The following SMC2 variants were observed in gnomAD, a reference collection of about 807,000 sequenced individuals.
SMC2 encodes the protein structural maintenance of chromosomes protein 2.
SMC2 carries 41 observed loss-of-function variants against 142.6 expected under a neutral mutation model. The observed-to-expected ratio is 0.29, with a 90% CI of 0.22 to 0.37. SMC2 has a LOEUF of 0.37. Ranked by LOEUF, SMC2 falls within the 10% of genes least tolerant of loss-of-function variation. SMC2 has a pLI of 1.00. For synonymous variants in SMC2, 463 were observed against 457.5 expected, an observed-to-expected ratio of 1.01 and a Z score of -0.15; for missense variants, 1,265 against 1,373.7, an observed-to-expected ratio of 0.92 and a Z score of 1.25.
Position 104,102,304 on chromosome 9 carries a change from A to G in SMC2, c.870+111A>G, listed in dbSNP as rs150094677. On this transcript the variant is annotated intron_variant, in intron 8 of 24. Transcript: ENST00000374793. ...CATTGTCTTCCGTATTGATTTGTTA[A>G]TCTTATAGTAAGATAATGAAATAAC... is the stretch of plus-strand genomic sequence containing the variant. The G allele has an allele frequency of 1.8e-5, 20 of 1,106,740 alleles. No homozygotes were observed. The African/African-American group carries it at 2.2e-4, about 12-fold the overall frequency. 68.6% of individuals were successfully genotyped at this position (1,106,740 alleles called of 1,614,324 possible). A position where few individuals can be genotyped will look rare whatever the true frequency, so the allele number is the denominator to read the frequency against.
intron 15 of SMC2, among the ~76,000 whole-genome samples, chr9:104,119,446 T>C (rs1833489793): frequency 6.6e-6 from 1 of 152,146 alleles, no homozygotes; most frequent in South Asian, 2.1e-4. Flanking sequence ...AGTTGCATAA[T>C]GTGAAATCGG....
At chr9:104,133,298 T>C (rs536904804) in intron 22 of SMC2, among the ~76,000 whole-genome samples, 45 of 152,284 alleles carry the variant, frequency 3.0e-4, no homozygotes, top group African/African-American at 1.1e-3. Flanking sequence ...GGTTCAAGTT[T>C]AGTAGCATTC....
chr9:104,139,249 T>G lies in SMC2; in HGVS notation c.3528T>G (p.Asn1176Lys). The change falls in exon 25 of 25, where the codon AAT (asparagine) becomes AAG (lysine). Residue 1176 changes from asparagine to lysine, a missense_variant. Coordinates refer to ENST00000374793, the MANE Select transcript of SMC2 (RefSeq NM_006444.3). ...TAGCCAGATTTACTCAATGTCAAAA[T>G]GGAAAGATTTCAAAGGAAGCAAAAT... Reference protein sequence around the residue: ...STVARFTQCQNGKISKEAKSK... With the variant: ...STVARFTQCQKGKISKEAKSK... 6.2e-7 allele frequency: 1 copy of G among 1,601,684 alleles called. No individual in the cohort carries two copies. The highest frequency in any genetic ancestry group is 8.5e-7 in the Non-Finnish European group (1 of 1,175,908).
chr9:104,111,795 C>T lies in SMC2; in HGVS notation c.1235C>T (p.Ala412Val), dbSNP rs1232935382. 1.2e-6 allele frequency: 2 copies of T among 1,613,146 alleles called. No homozygotes were observed. Among genetic ancestry groups the T allele is most frequent in the Non-Finnish European group, 1.7e-6 (2 of 1,179,564 alleles). ...GCCTGTAAAAATGATATAAGTAAAG[C>T]TCAGACAGAAGCCAAACAGGTAAAT... ...MMACKNDISK[A>V]QTEAKQAQMK... The change falls in exon 10 of 25, where the codon GCT (alanine) becomes GTT (valine). Residue 412 changes from alanine to valine, a missense_variant. Coordinates refer to ENST00000374793, the MANE Select transcript of SMC2 (RefSeq NM_006444.3).
intron 4 of SMC2, 120 bp from the exon 5 acceptor site, chr9:104,099,524 C>A (rs1228349413): frequency 6.3e-6 from 4 of 635,658 alleles, no homozygotes; most frequent in East Asian, 5.9e-5. Flanking sequence ...AGAGGAAAGA[C>A]CCCCCCAAAG....
chr9:104,105,272 T>C (rs1831624051), intron 9 of SMC2, among the ~76,000 whole-genome samples: 1 of 152,174 alleles, frequency 6.6e-6, no homozygotes. Flanking sequence ...ATCTCATTTC[T>C]AGGAGTGATA....
chr9:104,117,510 C>CTT (rs1833256305), intron 14 of SMC2, among the ~76,000 whole-genome samples: 1 of 152,168 alleles, frequency 6.6e-6, no homozygotes, highest in Non-Finnish European at 1.5e-5. Flanking sequence ...TTTTAAATTA[C>CTT]TTTTACTCTC....
chr9:104,091,803 T>C (rs2131253259), upstream of SMC2, among the ~76,000 whole-genome samples: 1 of 152,036 alleles, frequency 6.6e-6, no homozygotes, highest in East Asian at 1.9e-4. Context: ...CCTAGGAGAG[T>C]AGAGCACCAA....
At chr9:104,097,637 G>C (rs1439105272) in intron 3 of SMC2, among the ~76,000 whole-genome samples, 1 of 151,508 alleles carries the variant, frequency 6.6e-6, no homozygotes, top group African/African-American at 2.4e-5. Context: ...CTACCTAATT[G>C]TTCCTGTCCT....
chr9:104,104,173 A>G (rs539714335), intron 9 of SMC2, among the ~76,000 whole-genome samples: 3 of 152,294 alleles, frequency 2.0e-5, no homozygotes, highest in Admixed American at 6.5e-5. Flanking sequence ...AATATCATCT[A>G]TATGTTGATG....
At position 104,101,882 on chromosome 9, in the gene SMC2, AT is replaced by A. The variant is rs1831170755; in HGVS notation, c.637-75del. ...GACAAAATCTATTATGTAATGAGAA[AT>A]TTGTTTCATCTTGCATAATTGAATT... On this transcript the variant is annotated intron_variant, in intron 7 of 24. Coordinates refer to ENST00000374793, the MANE Select transcript of SMC2 (RefSeq NM_006444.3). 1.3e-5 allele frequency: 11 copies of A among 837,044 alleles called. No homozygotes were observed. The South Asian group carries it at 1.9e-4, about 14-fold the overall frequency. 51.9% of individuals were successfully genotyped at this position (837,044 alleles called of 1,614,324 possible). A position where few individuals can be genotyped will look rare whatever the true frequency, so the allele number is the denominator to read the frequency against.
At chr9:104,117,627 C>T (rs1045724685) in intron 14 of SMC2, among the ~76,000 whole-genome samples, 7 of 152,172 alleles carry the variant, frequency 4.6e-5, no homozygotes, top group African/African-American at 1.7e-4. Context: ...ATTGAAACAA[C>T]ATTTTCATAT....
intron 10 of SMC2, 61 bp downstream of exon 10, chr9:104,111,875 T>C: frequency 8.3e-7 from 1 of 1,203,512 alleles, no homozygotes; most frequent in Non-Finnish European, 1.2e-6. Context: ...CTTTTCATGT[T>C]ATGCTTTGGC....
intron 9 of SMC2, among the ~76,000 whole-genome samples, chr9:104,109,609 C>T (rs190265968): frequency 6.6e-5 from 10 of 152,224 alleles, no homozygotes; most frequent in African/African-American, 1.4e-4. Context: ...TGCTGTATGA[C>T]GCTGAAACAA....
At chr9:104,089,866 T>C (rs1335096023), upstream of SMC2, among the ~76,000 whole-genome samples, 1 of 152,086 alleles carries the variant, frequency 6.6e-6, no homozygotes, top group South Asian at 2.1e-4. Context: ...CAGGATATTC[T>C]CCATCTCCTG....
chr9:104,136,020 C>T (rs1835496450), intron 23 of SMC2: 1 of 459,964 alleles, frequency 2.2e-6, no homozygotes, highest in Admixed American at 2.5e-5. Flanking sequence ...TGACCTTACA[C>T]AGTGATTCAG....
chr9:104,123,697 A>G (rs1381631680), intron 17 of SMC2, among the ~76,000 whole-genome samples: 1 of 152,106 alleles, frequency 6.6e-6, no homozygotes, highest in African/African-American at 2.4e-5. Flanking sequence ...CATGCTTAAG[A>G]GTCCTAATTT....
Position 104,107,522 on chromosome 9 carries a change from CGCTGTTCAAAGTTG to C in SMC2, c.1021-4056_1021-4043del, listed in dbSNP as rs558118378. ...TTCTAAGGCCTGCTACTGCAAAGTC[CGCTGTTCAAAGTTG>C]GCAGCTTTGTTGGTCACCTGGATTA... On this transcript the variant is annotated intron_variant, in intron 9 of 24. Coordinates refer to ENST00000374793, the MANE Select transcript of SMC2 (RefSeq NM_006444.3). Among the ~76,000 whole-genome samples the C allele has an allele frequency of 4.1e-3, 621 of 152,288 alleles. 6 individuals carry two copies. The highest frequency in any genetic ancestry group is 0.014 in the African/African-American group (577 of 41,554).
At chr9:104,129,581 C>T (rs1834712239) in intron 20 of SMC2, 64 bp from the exon 21 acceptor site, 1 of 1,199,514 alleles carries the variant, frequency 8.3e-7, no homozygotes, top group Non-Finnish European at 1.2e-6. Context: ...AGTTAAGAAA[C>T]TGGCTTATAC....
Sources: gnomAD v4.1 joint callset for allele counts (sites outside exome capture counted in the v4.1 genomes callset) on GRCh38, gnomAD v4.1.1 for gene constraint, MANE v1.5 for transcripts, NCBI Gene and HGNC (gene_info 2026-07-23, HGNC 2026-07-21) for gene names.